Variants in PCDHGA6 observed in about 807,000 individuals in gnomAD.
PCDHGA6 encodes the protein protocadherin gamma-A6.
Under a neutral mutation model 60.6 loss-of-function variants are expected in PCDHGA6, and 41 were observed. That is an observed-to-expected ratio of 0.68 (90% confidence interval 0.53 to 0.88). PCDHGA6 has a LOEUF of 0.88. Among genes scored for constraint, PCDHGA6 ranks in the 40% least tolerant of loss-of-function variants. The pLI, the probability that PCDHGA6 is intolerant of heterozygous loss-of-function variation, is 0.00. For missense variants in PCDHGA6, 1,312 were observed against 1,203.0 expected, an observed-to-expected ratio of 1.09 and a Z score of -1.34; for synonymous variants, 594 against 524.4, an observed-to-expected ratio of 1.13 and a Z score of -1.81.
chr5:141,412,930 C>A, intron 1 of PCDHGA6: 1 of 451,594 alleles, frequency 2.2e-6, no homozygotes, highest in Non-Finnish European at 3.9e-6. Context: ...GCAGTAACTT[C>A]TTAGGACTCT....
intron 1 of PCDHGA6, among the ~76,000 whole-genome samples, chr5:141,462,639 C>T (rs2099043867): frequency 7.2e-6 from 1 of 138,292 alleles, no homozygotes. Flanking sequence ...TTGACTCTTT[C>T]ATTTCCATCC....
chr5:141,383,124 C>G (rs1245604127), intron 1 of PCDHGA6: 3 of 1,613,930 alleles, frequency 1.9e-6, no homozygotes, highest in Non-Finnish European at 2.5e-6. Context: ...CGCAGCTTTT[C>G]GCCCTGAACC....
At chr5:141,398,565 A>C in intron 1 of PCDHGA6, 1 of 1,614,040 alleles carries the variant, frequency 6.2e-7, no homozygotes, top group Non-Finnish European at 8.5e-7. Context: ...GTGAGTCTGC[A>C]CAGCCTGGCA....
chr5:141,490,686 C>T lies in PCDHGA6; in HGVS notation c.2425-4121C>T. The T allele has an allele frequency of 3.7e-6, 6 of 1,614,196 alleles. No homozygotes were observed. The highest frequency in any genetic ancestry group is 5.1e-6 in the Non-Finnish European group (6 of 1,180,014). ...GCACTGTGGCTGCCTCAGATCCAGA[C>T]ACTGGGGATAATGCCCGCCTCACCT... On this transcript the variant is annotated intron_variant, in intron 1 of 3. Coordinates refer to ENST00000517434, the MANE Select transcript of PCDHGA6 (RefSeq NM_018919.3). This position sits in a 1 kb window ranked among gnomAD's most constrained non-coding sequence, Gnocchi z 5.4.
intron 1 of PCDHGA6, chr5:141,394,982 C>G (rs754667421): frequency 2.7e-5 from 44 of 1,613,866 alleles, no homozygotes; most frequent in Non-Finnish European, 3.6e-5. Context: ...ACAAGTCACG[C>G]CTGCTCCAGG....
At chr5:141,439,009 G>T (rs1474312524) in intron 1 of PCDHGA6, among the ~76,000 whole-genome samples, 1 of 151,594 alleles carries the variant, frequency 6.6e-6, no homozygotes, top group Non-Finnish European at 1.5e-5. Flanking sequence ...TGGTTTGTTT[G>T]TCAAATTTTG....
chr5:141,417,767 T>G lies in PCDHGA6; in HGVS notation c.2424+41260T>G, dbSNP rs1333916865. 1.3e-5 allele frequency: 19 copies of G among 1,442,000 alleles called. No individual in the cohort carries two copies. The South Asian group carries it at 1.8e-4, about 13-fold the overall frequency. 89.3% of individuals were successfully genotyped at this position (1,442,000 alleles called of 1,614,324 possible). ...GATTGCCAGCTCCGAGACCCGGGAC[T>G]CCTCCTGTCCTGGGCCGAATGCTCT... On this transcript the variant is annotated intron_variant, in intron 1 of 3. Coordinates refer to ENST00000517434, the MANE Select transcript of PCDHGA6 (RefSeq NM_018919.3).
Position 141,477,797 on chromosome 5 carries a change from A to G in PCDHGA6, c.2425-17010A>G. ...CGTGAACATATTTGTCACTGATCGC[A>G]ATGACAATGCCCCCCAGGTCCTATA... On this transcript the variant is annotated intron_variant, in intron 1 of 3. Coordinates refer to ENST00000517434, the MANE Select transcript of PCDHGA6 (RefSeq NM_018919.3). This position sits in a 1 kb window ranked among gnomAD's most constrained non-coding sequence, Gnocchi z 4.9. 1.2e-6 allele frequency: 2 copies of G among 1,614,082 alleles called. No individual in the cohort carries two copies. Among genetic ancestry groups the G allele is most frequent in the Non-Finnish European group, 1.7e-6 (2 of 1,180,032 alleles).
At chr5:141,451,170 A>G (rs960062747) in intron 1 of PCDHGA6, among the ~76,000 whole-genome samples, 8 of 152,148 alleles carry the variant, frequency 5.3e-5, no homozygotes, top group East Asian at 3.9e-4. Flanking sequence ...GTAGTATATT[A>G]TTTAGCCATT....
chr5:141,384,410 A>T, intron 1 of PCDHGA6: 3 of 1,613,844 alleles, frequency 1.9e-6, no homozygotes, highest in Non-Finnish European at 2.5e-6. Flanking sequence ...GTGTCCTCCT[A>T]TGTCTCCATA....
intron 1 of PCDHGA6, among the ~76,000 whole-genome samples, chr5:141,424,839 A>G (rs1264853498): frequency 6.6e-6 from 1 of 152,198 alleles, no homozygotes; most frequent in Non-Finnish European, 1.5e-5. Context: ...CATACATGTT[A>G]TCTGAAGCAA....
intron 1 of PCDHGA6, among the ~76,000 whole-genome samples, chr5:141,492,080 G>A (rs576661909): frequency 6.6e-6 from 1 of 152,352 alleles, no homozygotes; most frequent in African/African-American, 2.4e-5. Context: ...GCCGGCTCCG[G>A]CACGCTTCGC....
At chr5:141,415,589 T>A in intron 1 of PCDHGA6, 1 of 1,614,062 alleles carries the variant, frequency 6.2e-7, no homozygotes, top group East Asian at 2.2e-5. Flanking sequence ...AAGTTTCCTA[T>A]AGAGGATACC....
chr5:141,399,430 A>G (rs758530359), intron 1 of PCDHGA6: 12 of 1,614,016 alleles, frequency 7.4e-6, no homozygotes, highest in Non-Finnish European at 1.0e-5. Context: ...CATAAGCGTC[A>G]TCCTACATAT....
intron 1 of PCDHGA6, among the ~76,000 whole-genome samples, chr5:141,461,004 T>C (rs2099006736): frequency 6.6e-6 from 1 of 151,664 alleles, no homozygotes; most frequent in Non-Finnish European, 1.5e-5. Context: ...TATGTGTATA[T>C]ATATATACCA....
rs139608956 is a variant in PCDHGA6, at chr5:141,510,637, A to G, written c.2573-310A>G. Among the ~76,000 whole-genome samples, 4 of 152,242 alleles carry G rather than the reference A, an allele frequency of 2.6e-5. No individual in the cohort carries two copies. The East Asian group carries it at 7.7e-4, about 29-fold the overall frequency. ...ACTAAAACCAGAAGAGGTGGTTACC[A>G]TTATCATCCCCATTTTGCAGATGAG... On this transcript the variant is annotated intron_variant, in intron 3 of 3. Transcript: ENST00000517434.
intron 1 of PCDHGA6, chr5:141,410,361 G>A: frequency 1.9e-6 from 3 of 1,614,034 alleles, no homozygotes; most frequent in Non-Finnish European, 2.5e-6. Context: ...CGCTCTCTCA[G>A]CCCTGCTACT....
intron 1 of PCDHGA6, chr5:141,439,998 G>A (rs2098143949): frequency 6.5e-6 from 1 of 153,152 alleles, no homozygotes; most frequent in Non-Finnish European, 1.5e-5. Context: ...TTGGTGGTGG[G>A]AAACCTTGCC....
intron 1 of PCDHGA6, among the ~76,000 whole-genome samples, chr5:141,449,579 ACT>A (rs370512396): frequency 0.052 from 7,360 of 141,924 alleles, 400 homozygotes; most frequent in African/African-American, 0.14. Flanking sequence ...ACAGAGCAAG[ACT>A]CTGTCTCAAA....
Sources: gnomAD v4.1 joint callset for allele counts (sites outside exome capture counted in the v4.1 genomes callset) on GRCh38, gnomAD v4.1.1 for gene constraint, Gnocchi (gnomAD v3.1) non-coding constraint, MANE v1.5 for transcripts, NCBI Gene and HGNC (gene_info 2026-07-23, HGNC 2026-07-21) for gene names.